The following TBC1D5 variants were observed in gnomAD, a reference collection of about 807,000 sequenced individuals.
The protein encoded by TBC1D5 is TBC1 domain family, member 5.
Under a neutral mutation model 100.3 loss-of-function variants are expected in TBC1D5, and 75 were observed. The observed-to-expected ratio is 0.75, with a 90% CI of 0.62 to 0.91. The LOEUF is 0.91. TBC1D5 is among the 40% of genes least tolerant of loss of function. The pLI, the probability that TBC1D5 is intolerant of heterozygous loss-of-function variation, is 0.00. For missense variants in TBC1D5, 910 were observed against 942.4 expected (o/e 0.97, Z 0.45); for synonymous variants, 323 against 325.6 (o/e 0.99, Z 0.09).
At chr3:17,341,515 A>G (rs549399804) in intron 13 of TBC1D5, among the ~76,000 whole-genome samples, 6 of 152,190 alleles carry the variant, frequency 3.9e-5, no homozygotes, top group African/African-American at 1.4e-4. Flanking sequence ...AATTCTTAAA[A>G]GGTATTTCCC....
At chr3:17,309,428 T>C (rs889061970) in intron 13 of TBC1D5, among the ~76,000 whole-genome samples, 1 of 152,064 alleles carries the variant, frequency 6.6e-6, no homozygotes, top group East Asian at 1.9e-4. Context: ...GTATTGTTTA[T>C]CTTCTTAAAA....
At chr3:17,602,562 T>G (rs914057927) in intron 2 of TBC1D5, among the ~76,000 whole-genome samples, 6 of 54,520 alleles carry the variant, frequency 1.1e-4, no homozygotes, top group African/African-American at 5.7e-4. Context: ...GAGAATCAGA[T>G]TTTTTTTTTT....
chr3:17,161,148 C>T, exon 22 of TBC1D5: 1 of 1,614,186 alleles, frequency 6.2e-7, no homozygotes, highest in South Asian at 1.1e-5. Flanking sequence ...AGAGGCTGGG[C>T]CTGGCCGGAG....
At chr3:17,472,458 T>A (rs1292537349) in intron 3 of TBC1D5, among the ~76,000 whole-genome samples, 1 of 152,054 alleles carries the variant, frequency 6.6e-6, no homozygotes, top group African/African-American at 2.4e-5. Flanking sequence ...AAATGAGGGC[T>A]TTTCTACTTC....
chr3:17,552,066 T>C (rs531647916), intron 2 of TBC1D5, among the ~76,000 whole-genome samples: 1 of 152,202 alleles, frequency 6.6e-6, no homozygotes, highest in Non-Finnish European at 1.5e-5. Flanking sequence ...ATTTGTAGTT[T>C]TATGTAAATT....
At chr3:17,509,085 T>C (rs767547201) in intron 2 of TBC1D5, among the ~76,000 whole-genome samples, 2 of 152,100 alleles carry the variant, frequency 1.3e-5, no homozygotes, top group Admixed American at 6.6e-5. Context: ...AAAATACATA[T>C]GGTTTTAATG....
At chr3:17,251,070 T>G (rs2077126943) in intron 16 of TBC1D5, among the ~76,000 whole-genome samples, 1 of 152,222 alleles carries the variant, frequency 6.6e-6, no homozygotes, top group Admixed American at 6.5e-5. Context: ...TGTATTTCCT[T>G]AGTCACCAAT....
At chr3:17,701,732 G>C (rs967624202) in intron 1 of TBC1D5, among the ~76,000 whole-genome samples, 3 of 152,108 alleles carry the variant, frequency 2.0e-5, no homozygotes, top group Non-Finnish European at 4.4e-5. Flanking sequence ...GAAGGTCTGA[G>C]ATGCAAGAAA....
intron 2 of TBC1D5, among the ~76,000 whole-genome samples, chr3:17,523,731 A>G (rs1185061966): frequency 6.6e-6 from 1 of 152,224 alleles, no homozygotes; most frequent in African/African-American, 2.4e-5. Context: ...AGCAGTTTGC[A>G]GTTTACAAAA....
intron 15 of TBC1D5, among the ~76,000 whole-genome samples, chr3:17,291,095 A>G (rs908614035): frequency 2.0e-5 from 3 of 152,262 alleles, no homozygotes; most frequent in Non-Finnish European, 2.9e-5. Context: ...ACAACTGCCA[A>G]CATGACTGTT....
At chr3:17,444,399 T>C (rs1230822945) in intron 3 of TBC1D5, among the ~76,000 whole-genome samples, 2 of 152,086 alleles carry the variant, frequency 1.3e-5, no homozygotes, top group African/African-American at 4.8e-5. Flanking sequence ...CATTGTATTA[T>C]ATGAGCATTT....
intron 1 of TBC1D5, chr3:17,672,441 T>A (rs547793924): frequency 6.6e-6 from 1 of 152,310 alleles, no homozygotes; most frequent in Admixed American, 6.5e-5. Flanking sequence ...TATGCACAGA[T>A]CCAGCACACA....
chr3:17,337,750 AT>A (rs755921348), intron 13 of TBC1D5: 31 of 152,202 alleles, frequency 2.0e-4, no homozygotes, highest in Non-Finnish European at 4.0e-4. Context: ...CATGTGAGTT[AT>A]TGGTTTAAAA....
At chr3:17,620,265 C>A (rs1321181767) in intron 2 of TBC1D5, among the ~76,000 whole-genome samples, 1 of 152,322 alleles carries the variant, frequency 6.6e-6, no homozygotes, top group East Asian at 1.9e-4. Context: ...CAGGGGCAAG[C>A]CACTACACCG....
chr3:17,312,439 A>G (rs567335177), intron 13 of TBC1D5, among the ~76,000 whole-genome samples: 2 of 152,246 alleles, frequency 1.3e-5, no homozygotes, highest in South Asian at 4.1e-4. Flanking sequence ...TTAAGCCATC[A>G]AACTCTTTTT....
At chr3:17,190,193 G>C (rs1461469542) in intron 18 of TBC1D5, among the ~76,000 whole-genome samples, 1 of 152,104 alleles carries the variant, frequency 6.6e-6, no homozygotes, top group African/African-American at 2.4e-5. Context: ...TGTTTGCATT[G>C]TGTTAGGCCT....
chr3:17,612,093 A>T (rs1252338720), intron 2 of TBC1D5, among the ~76,000 whole-genome samples: 1 of 152,116 alleles, frequency 6.6e-6, no homozygotes, highest in East Asian at 1.9e-4. Context: ...TGAGCCCAGG[A>T]GTAGGAGACC....
intron 18 of TBC1D5, among the ~76,000 whole-genome samples, chr3:17,201,629 T>C (rs977284081): frequency 4.6e-5 from 7 of 152,092 alleles, no homozygotes; most frequent in Non-Finnish European, 2.9e-5. Context: ...ATTGGATCAT[T>C]TGGATTACAG....
chr3:17,717,251 A>G (rs1347615728), intron 1 of TBC1D5, among the ~76,000 whole-genome samples: 11 of 106,312 alleles, frequency 1.0e-4, no homozygotes, highest in African/African-American at 3.4e-4. Context: ...GCAGTAAAGG[A>G]TTTTTCAAAA....
Sources: allele counts gnomAD v4.1 joint callset (sites outside exome capture counted in the v4.1 genomes callset), GRCh38; gene constraint gnomAD v4.1.1; transcripts MANE v1.5; gene names NCBI Gene and HGNC (gene_info 2026-07-23, HGNC 2026-07-21).